The following GALNT7 variants were observed in gnomAD, a reference collection of about 807,000 sequenced individuals.
GALNT7 encodes N-acetylgalactosaminyltransferase 7.
Under a neutral mutation model 82.1 loss-of-function variants are expected in GALNT7, and 60 were observed. That is an observed-to-expected ratio of 0.73 (90% confidence interval 0.59 to 0.91). The LOEUF (loss-of-function observed/expected upper bound fraction) is 0.91. Ranked by LOEUF, GALNT7 falls within the 40% of genes least tolerant of loss-of-function variation. GALNT7 has a pLI of 0.00. For synonymous variants in GALNT7, 243 were observed against 275.1 expected, an observed-to-expected ratio of 0.88 and a Z score of 1.15; for missense variants, 660 against 804.2, an observed-to-expected ratio of 0.82 and a Z score of 2.17.
chr4:173,269,305 T>C (rs1323743322), intron 2 of GALNT7, among the ~76,000 whole-genome samples: 1 of 152,232 alleles, frequency 6.6e-6, no homozygotes, highest in African/African-American at 2.4e-5. Context: ...TATTATTATA[T>C]GTTCCGCCCA....
At chr4:173,219,577 C>T (rs1463159168) in intron 1 of GALNT7, among the ~76,000 whole-genome samples, 1 of 152,146 alleles carries the variant, frequency 6.6e-6, no homozygotes, top group African/African-American at 2.4e-5. Flanking sequence ...CACTGTTTTC[C>T]ACAGTGGTTG....
intron 8 of GALNT7, among the ~76,000 whole-genome samples, chr4:173,309,449 C>T (rs1006186770): frequency 2.0e-5 from 3 of 152,162 alleles, no homozygotes; most frequent in Non-Finnish European, 2.9e-5. Context: ...ACATTTCATC[C>T]CAGACTAGTG....
At chr4:173,289,010 C>A (rs7668435) in intron 2 of GALNT7, among the ~76,000 whole-genome samples, 21,896 of 151,954 alleles carry the variant, frequency 0.14, 3,328 homozygotes, top group African/African-American at 0.39. Flanking sequence ...CATGATAGCC[C>A]TGAAAAGAAA....
rs1254595279 is a variant in GALNT7 at position 173,298,229 on chromosome 4, GC to G, written c.1081del (p.Leu361SerfsTer7). On this transcript the variant is annotated frameshift_variant, in exon 6 of 12. Coordinates refer to ENST00000265000, the MANE Select transcript of GALNT7 (RefSeq NM_017423.3). LOFTEE classifies it high-confidence loss of function. ...YARGAWDWSMLWKRVPLTPQE... is the reference protein window; with the variant it reads ...YARGAWDWSMXWKRVPLTPQE... The stretch of plus-strand genomic sequence containing the variant: ...CCCGAGGAGCATGGGATTGGAGTAT[GC>G]TCTGGAAACGGGTGCCTCTGACCCC... 1.9e-6 allele frequency: 3 copies of G among 1,612,466 alleles called. No homozygotes were observed. The African/African-American group carries it at 4.0e-5, about 22-fold the overall frequency.
intron 2 of GALNT7, among the ~76,000 whole-genome samples, chr4:173,284,738 C>A (rs891761153): frequency 3.9e-4 from 59 of 150,950 alleles, no homozygotes; most frequent in African/African-American, 1.0e-3. Context: ...AAAACAACAA[C>A]AAAAAAAACC....
At chr4:173,169,659 C>T (rs1731784361) in intron 1 of GALNT7, 1 of 151,582 alleles carries the variant, frequency 6.6e-6, no homozygotes, top group Admixed American at 6.6e-5. Flanking sequence ...CCCTCGCGTC[C>T]CTGGGCGAGG....
At chr4:173,298,597 C>A (rs535090039) in intron 6 of GALNT7, among the ~76,000 whole-genome samples, 6 of 152,214 alleles carry the variant, frequency 3.9e-5, no homozygotes, top group Admixed American at 3.3e-4. Context: ...CTTAGTTATC[C>A]TGTCCTACTG....
intron 2 of GALNT7, among the ~76,000 whole-genome samples, chr4:173,253,355 G>A (rs998520923): frequency 6.6e-6 from 1 of 152,126 alleles, no homozygotes; most frequent in Non-Finnish European, 1.5e-5. Context: ...GTATGTGGAG[G>A]GAAATACAGC....
In GALNT7 at chr4:173,288,301, A is replaced by AAAAAAAAAAAAAAAAG. The variant is rs1289159201; in HGVS notation, c.588-3803_588-3802insAAAAAAAAAAAGAAAA. Reference sequence around the variant, plus strand: ...CCATCTCAAAAAAAAAAAAAAAAAAAAAAAGAAAAGAACATATGAATTGAA... The same window carrying AAAAAAAAAAAAAAAAG: ...CCATCTCAAAAAAAAAAAAAAAAAAAAAAAAAAAAAAAAAAGAAAAGAAAAGAACATATGAATTGAA... On this transcript the variant is annotated intron_variant, in intron 2 of 11. Transcript: ENST00000265000. Among the ~76,000 whole-genome samples, 53 of 148,290 alleles carry AAAAAAAAAAAAAAAAG rather than the reference A, an allele frequency of 3.6e-4. 1 individual carries two copies. Among genetic ancestry groups the AAAAAAAAAAAAAAAAG allele is most frequent in the African/African-American group, 1.3e-3 (51 of 38,582 alleles).
intron 2 of GALNT7, among the ~76,000 whole-genome samples, chr4:173,272,038 T>C (rs1412898592): frequency 1.3e-5 from 2 of 152,218 alleles, no homozygotes; most frequent in African/African-American, 4.8e-5. Context: ...GTGCCCATCA[T>C]TGATTATTTC....
At chr4:173,229,768 A>G (rs768503938) in intron 1 of GALNT7, among the ~76,000 whole-genome samples, 5 of 152,124 alleles carry the variant, frequency 3.3e-5, no homozygotes, top group African/African-American at 1.2e-4. Context: ...TCCTCATCGT[A>G]TTATCGTAGT....
chr4:173,203,847 C>T lies in GALNT7; in HGVS notation c.126+34886C>T, dbSNP rs117481574. Among the ~76,000 whole-genome samples the T allele has an allele frequency of 3.7e-4, 56 of 152,200 alleles. 1 individual carries two copies. In the East Asian group the frequency reaches 0.011, roughly 29 times the overall value. On this transcript the variant is annotated intron_variant, in intron 1 of 11. Transcript: ENST00000265000. ...TTATTTAAATAATTTATATTTTAAC[C>T]TTCATACTAAAGTATAAGTGATGTA... is the stretch of plus-strand genomic sequence containing the variant.
At chr4:173,239,347 G>T (rs1181968120) in intron 1 of GALNT7, among the ~76,000 whole-genome samples, 1 of 152,126 alleles carries the variant, frequency 6.6e-6, no homozygotes, top group African/African-American at 2.4e-5. Flanking sequence ...ACAGCTGGAT[G>T]TTCTCCATTT....
In GALNT7 at chr4:173,317,645, C is replaced by A; in HGVS notation, c.1620C>A (p.Phe540Leu). 1 of 1,608,996 alleles carries A rather than the reference C, an allele frequency of 6.2e-7. No individual in the cohort carries two copies. The highest frequency in any genetic ancestry group is 1.1e-5 in the South Asian group (1 of 90,898). ...KNVDWGEIRG[F>L]ETAYCIDSMG... Reference sequence around the variant, plus strand: ...ATTCATTTTTTTAGATCAGAGGCTTCGAAACTGCTTACTGCATTGATAGCA... The same window carrying A: ...ATTCATTTTTTTAGATCAGAGGCTTAGAAACTGCTTACTGCATTGATAGCA... Residue 540 changes from phenylalanine to leucine, a missense_variant, in exon 10 of 12, where the codon TTC becomes TTA. By Grantham distance (22) the Phe-to-Leu change is conservative. Coordinates refer to ENST00000265000, the MANE Select transcript of GALNT7 (RefSeq NM_017423.3).
chr4:173,279,906 CAG>C (rs1736050467), intron 2 of GALNT7, among the ~76,000 whole-genome samples: 1 of 151,846 alleles, frequency 6.6e-6, no homozygotes, highest in African/African-American at 2.4e-5. Context: ...ACCCGGGTGG[CAG>C]AGGTTGCAGT....
intron 1 of GALNT7, among the ~76,000 whole-genome samples, chr4:173,204,493 A>G (rs1322558664): frequency 6.6e-6 from 1 of 152,182 alleles, no homozygotes; most frequent in Non-Finnish European, 1.5e-5. Context: ...TAAATCCCAG[A>G]AACTTCCTTT....
chr4:173,217,407 C>T (rs1733504118), intron 1 of GALNT7, among the ~76,000 whole-genome samples: 2 of 152,208 alleles, frequency 1.3e-5, no homozygotes, highest in East Asian at 1.9e-4. Context: ...ATGCATCCTA[C>T]TTAGGTTATT....
chr4:173,244,698 G>A (rs1297692881), intron 1 of GALNT7, among the ~76,000 whole-genome samples: 3 of 152,162 alleles, frequency 2.0e-5, no homozygotes, highest in African/African-American at 7.2e-5. Context: ...TTGTAATCTT[G>A]TTCAGAGGTG....
chr4:173,297,738 C>A, intron 5 of GALNT7: 2 of 762,244 alleles, frequency 2.6e-6, no homozygotes, highest in Non-Finnish European at 1.9e-6. Context: ...CGTAGTTAGG[C>A]ATGCTGAACT....
Sources: gnomAD v4.1 joint callset for allele counts (sites outside exome capture counted in the v4.1 genomes callset) on GRCh38, gnomAD v4.1.1 for gene constraint, MANE v1.5 for transcripts, NCBI Gene and HGNC (gene_info 2026-07-23, HGNC 2026-07-21) for gene names.